The following FRMD6 variants were observed in gnomAD, a reference collection of about 807,000 sequenced individuals.
FRMD6 encodes the protein FERM domain-containing protein 6.
Under a neutral mutation model 73.2 loss-of-function variants are expected in FRMD6, and 37 were observed. That is an observed-to-expected ratio of 0.51 (90% CI 0.39 to 0.66). The LOEUF is 0.66. FRMD6 is among the 30% of genes least tolerant of loss of function. FRMD6 has a pLI of 0.00. For synonymous variants in FRMD6, 273 were observed against 282.2 expected, an observed-to-expected ratio of 0.97 and a Z score of 0.33; for missense variants, 714 against 780.5, an observed-to-expected ratio of 0.91 and a Z score of 1.02.
upstream of FRMD6, among the ~76,000 whole-genome samples, chr14:51,485,073 G>A (rs1402896113): frequency 6.6e-6 from 1 of 152,192 alleles, no homozygotes; most frequent in Non-Finnish European, 1.5e-5. Context: ...TGAAGTTAAT[G>A]TGCTTTCTTT....
At chr14:51,614,993 TCAGG>T (rs1320631541) in intron 2 of FRMD6, among the ~76,000 whole-genome samples, 1 of 152,212 alleles carries the variant, frequency 6.6e-6, no homozygotes, top group African/African-American at 2.4e-5. Context: ...AGCTAATTAA[TCAGG>T]CAGAGTAGGG....
chr14:51,501,509 G>A (rs1566779806), intron 1 of FRMD6, among the ~76,000 whole-genome samples: 1 of 152,118 alleles, frequency 6.6e-6, no homozygotes. Context: ...GAGGATAATG[G>A]CTTTCAGCTC....
chr14:51,400,909 A>G, the FRMD6 span, among the ~76,000 whole-genome samples: 1 of 152,256 alleles, frequency 6.6e-6, no homozygotes, highest in African/African-American at 2.4e-5. Flanking sequence ...ACATCTTAAC[A>G]GTTTTTCTCC....
At chr14:51,656,982 C>T (rs1487442215) in intron 1 of FRMD6, among the ~76,000 whole-genome samples, 2 of 151,982 alleles carry the variant, frequency 1.3e-5, no homozygotes, top group African/African-American at 2.4e-5. Context: ...TTTACTGATA[C>T]ATGAAGACAG....
chr14:51,710,252 A>C (rs1896870721), intron 7 of FRMD6, among the ~76,000 whole-genome samples: 1 of 152,174 alleles, frequency 6.6e-6, no homozygotes, highest in South Asian at 2.1e-4. Flanking sequence ...TGGCTGATTC[A>C]CAGTTTTTAT....
At chr14:51,678,555 A>G (rs1242385887) in intron 1 of FRMD6, among the ~76,000 whole-genome samples, 1 of 152,188 alleles carries the variant, frequency 6.6e-6, no homozygotes, top group East Asian at 1.9e-4. Flanking sequence ...GTAAAGGAAC[A>G]TAATTTTTAA....
intron 2 of FRMD6, among the ~76,000 whole-genome samples, chr14:51,639,886 C>A (rs765725402): frequency 6.6e-6 from 1 of 152,106 alleles, no homozygotes; most frequent in Non-Finnish European, 1.5e-5. Context: ...AATTGGGATG[C>A]CTGTATATCC....
At chr14:51,533,999 G>A (rs1885744180) in intron 1 of FRMD6, among the ~76,000 whole-genome samples, 1 of 152,182 alleles carries the variant, frequency 6.6e-6, no homozygotes, top group African/African-American at 2.4e-5. Flanking sequence ...CTTCTAGGTG[G>A]GTGGGGAAAG....
chr14:51,540,672 C>T (rs1886155440), intron 1 of FRMD6, among the ~76,000 whole-genome samples: 1 of 151,924 alleles, frequency 6.6e-6, no homozygotes. Flanking sequence ...TCCTTTTTAT[C>T]TTCTGTGCCA....
In FRMD6 at chr14:51,632,191, A is replaced by G. The variant is rs915010637; in HGVS notation, c.-146-57500A>G. On this transcript the variant is annotated intron_variant, in intron 2 of 14. Coordinates refer to the FRMD6 transcript ENST00000356218. ...GGATGTGTTTGCTTCCCCTTCTGCC[A>G]TGATTCTAAGTTTCCTGAGGCCTCC... is the stretch of plus-strand genomic sequence containing the variant. 2.0e-5 allele frequency among the ~76,000 whole-genome samples: 3 copies of G among 152,178 alleles called. No individual in the cohort carries two copies. In the South Asian group the frequency reaches 6.2e-4, roughly 32 times the overall value.
intron 1 of FRMD6, among the ~76,000 whole-genome samples, chr14:51,520,859 A>G (rs868713858): frequency 6.6e-6 from 1 of 152,184 alleles, no homozygotes; most frequent in Non-Finnish European, 1.5e-5. Context: ...GCAGTGAGCC[A>G]TGATCATGCC....
chr14:51,628,278 A>G (rs746826040), intron 2 of FRMD6, among the ~76,000 whole-genome samples: 2 of 152,230 alleles, frequency 1.3e-5, no homozygotes, highest in Non-Finnish European at 2.9e-5. Context: ...TGAATTATAT[A>G]ACAATAAATA....
the FRMD6 span, among the ~76,000 whole-genome samples, chr14:51,480,336 A>C: frequency 6.6e-6 from 1 of 152,240 alleles, no homozygotes; most frequent in Admixed American, 6.5e-5. Context: ...AAGTCACTGC[A>C]AATCTGAGAT....
chr14:51,605,077 C>G (rs1253522388), intron 2 of FRMD6, among the ~76,000 whole-genome samples: 2 of 151,970 alleles, frequency 1.3e-5, no homozygotes, highest in African/African-American at 2.4e-5. Flanking sequence ...CCCTGCCTGG[C>G]CACCCATCTA....
intron 1 of FRMD6, among the ~76,000 whole-genome samples, chr14:51,553,426 C>T (rs1306998492): frequency 6.6e-6 from 1 of 152,170 alleles, no homozygotes; most frequent in East Asian, 1.9e-4. Context: ...AGAACATTTT[C>T]TTTTACATTT....
intron 1 of FRMD6, chr14:51,522,905 G>A (rs1205521174): frequency 1.3e-5 from 2 of 152,156 alleles, no homozygotes; most frequent in Non-Finnish European, 2.9e-5. Flanking sequence ...GGAACAATAT[G>A]GGGAGATTAG....
intron 2 of FRMD6, among the ~76,000 whole-genome samples, chr14:51,620,354 G>A (rs1438609457): frequency 1.3e-5 from 2 of 152,082 alleles, no homozygotes; most frequent in Non-Finnish European, 2.9e-5. Flanking sequence ...AATTCTGTAG[G>A]GATGAAGGAA....
At chr14:51,486,383 T>C (rs17123996), upstream of FRMD6, among the ~76,000 whole-genome samples, 25,454 of 152,100 alleles carry the variant, frequency 0.17, 2,249 homozygotes, top group Non-Finnish European at 0.19. Context: ...TGAGGAGGGC[T>C]ATCTAACTAT....
intron 2 of FRMD6, among the ~76,000 whole-genome samples, chr14:51,594,759 G>A (rs868191277): frequency 6.6e-6 from 1 of 152,122 alleles, no homozygotes; most frequent in Non-Finnish European, 1.5e-5. Flanking sequence ...CACCACACCC[G>A]GCCATGAGTA....
Sources: allele counts gnomAD v4.1 joint callset (sites outside exome capture counted in the v4.1 genomes callset), GRCh38; gene constraint gnomAD v4.1.1; transcripts MANE v1.5; gene names NCBI Gene and HGNC (gene_info 2026-07-23, HGNC 2026-07-21).